Variants in ELF1 observed in about 807,000 individuals in gnomAD.
The protein encoded by ELF1 is ETS-related transcription factor Elf-1.
In ELF1, 24 loss-of-function variants were observed where a neutral mutation model predicts 59.9. That is an observed-to-expected ratio of 0.40 (90% CI 0.29 to 0.56). The LOEUF (loss-of-function observed/expected upper bound fraction) is 0.56. Among genes scored for constraint, ELF1 ranks in the 20% least tolerant of loss-of-function variants. The pLI, the probability that ELF1 is intolerant of heterozygous loss-of-function variation, is 0.44. For missense variants in ELF1, 627 were observed against 742.2 expected (o/e 0.84, Z 1.80); for synonymous variants, 248 against 266.2 (o/e 0.93, Z 0.67).
chr13:41,029,273 GA>G (rs1876071584), intron 1 of ELF1, among the ~76,000 whole-genome samples: 1 of 152,350 alleles, frequency 6.6e-6, no homozygotes, highest in African/African-American at 2.4e-5. Flanking sequence ...ACAAGGGGTG[GA>G]ACTGTGATGG....
chr13:40,962,201 TA>T (rs756992472), intron 2 of ELF1, among the ~76,000 whole-genome samples: 4 of 152,188 alleles, frequency 2.6e-5, no homozygotes, highest in Non-Finnish European at 5.9e-5. Flanking sequence ...GTACAGACAG[TA>T]AATGTACAGT....
At chr13:40,997,230 A>G (rs1303496171) in intron 1 of ELF1, among the ~76,000 whole-genome samples, 1 of 151,544 alleles carries the variant, frequency 6.6e-6, no homozygotes, top group Non-Finnish European at 1.5e-5. Context: ...TTCACAGTCT[A>G]CCTCTTTTCT....
intron 1 of ELF1, among the ~76,000 whole-genome samples, chr13:41,014,956 A>G (rs1038589801): frequency 1.7e-4 from 26 of 152,250 alleles, no homozygotes; most frequent in African/African-American, 6.3e-4. Context: ...AGACTCAAAC[A>G]AGTACATACT....
chr13:41,013,429 G>A (rs571273257), intron 1 of ELF1, among the ~76,000 whole-genome samples: 11 of 152,128 alleles, frequency 7.2e-5, no homozygotes, highest in Non-Finnish European at 1.0e-4. Flanking sequence ...AGTAACATAA[G>A]TCACAAAGCT....
chr13:41,006,247 A>G (rs1485410649), intron 1 of ELF1, among the ~76,000 whole-genome samples: 1 of 148,920 alleles, frequency 6.7e-6, no homozygotes, highest in Non-Finnish European at 1.5e-5. Flanking sequence ...GTGCCTTCCT[A>G]GCATATCTTT....
chr13:40,958,142 C>G (rs547120936), intron 3 of ELF1, among the ~76,000 whole-genome samples: 1 of 152,196 alleles, frequency 6.6e-6, no homozygotes, highest in Non-Finnish European at 1.5e-5. Flanking sequence ...AAAGAGAAAG[C>G]ATGTACCAAT....
chr13:40,947,636 G>A (rs1354015447), intron 5 of ELF1, among the ~76,000 whole-genome samples: 7 of 152,342 alleles, frequency 4.6e-5, no homozygotes, highest in East Asian at 3.9e-4. Context: ...CCCCAGGACT[G>A]TAATAACTAT....
At chr13:41,026,898 C>G (rs1875958161) in intron 1 of ELF1, among the ~76,000 whole-genome samples, 1 of 152,216 alleles carries the variant, frequency 6.6e-6, no homozygotes, top group African/African-American at 2.4e-5. Context: ...GATTGTACCT[C>G]TGGCCTCATG....
intron 1 of ELF1, among the ~76,000 whole-genome samples, chr13:40,985,603 C>T (rs767145329): frequency 1.3e-5 from 2 of 152,306 alleles, no homozygotes; most frequent in South Asian, 4.1e-4. Flanking sequence ...AGCTTCTGAG[C>T]TCCAAATCCA....
chr13:41,015,958 G>A (rs1875334703), intron 1 of ELF1, among the ~76,000 whole-genome samples: 1 of 152,114 alleles, frequency 6.6e-6, no homozygotes, highest in South Asian at 2.1e-4. Context: ...CTCAAACAGC[G>A]TATATTCTTA....
chr13:41,027,144 T>C (rs1044833863), intron 1 of ELF1, among the ~76,000 whole-genome samples: 2 of 152,224 alleles, frequency 1.3e-5, no homozygotes, highest in Non-Finnish European at 2.9e-5. Flanking sequence ...CGTCAATGCA[T>C]AGGCAATAGA....
chr13:41,047,696 G>T (rs1876916136), intron 1 of ELF1, among the ~76,000 whole-genome samples: 1 of 152,216 alleles, frequency 6.6e-6, no homozygotes, highest in Non-Finnish European at 1.5e-5. Flanking sequence ...CCTACTAGGG[G>T]TGCCTCCCAG....
intron 2 of ELF1, among the ~76,000 whole-genome samples, chr13:40,962,936 C>G (rs941901950): frequency 6.6e-6 from 1 of 152,120 alleles, no homozygotes; most frequent in African/African-American, 2.4e-5. Context: ...TAACATTTCA[C>G]GAGAAGAGAT....
intron 1 of ELF1, among the ~76,000 whole-genome samples, chr13:41,045,422 C>A (rs904577154): frequency 3.3e-5 from 5 of 152,194 alleles, no homozygotes; most frequent in African/African-American, 9.7e-5. Flanking sequence ...CTCTTGTGGG[C>A]ATTTAGTACC....
At chr13:41,024,651 ACAGG>A (rs1875822510) in intron 1 of ELF1, among the ~76,000 whole-genome samples, 1 of 152,136 alleles carries the variant, frequency 6.6e-6, no homozygotes, top group South Asian at 2.1e-4. Context: ...TGCTTGGATT[ACAGG>A]CATGAACAAC....
intron 1 of ELF1, among the ~76,000 whole-genome samples, chr13:41,003,751 G>A (rs1419024068): frequency 6.6e-6 from 1 of 152,114 alleles, no homozygotes; most frequent in Non-Finnish European, 1.5e-5. Flanking sequence ...AAAAGTAAGA[G>A]ATTTTTGATG....
chr13:40,959,032 G>T lies in ELF1; in HGVS notation c.73-16C>A. On this transcript the variant is annotated splice_polypyrimidine_tract_variant and intron_variant, in intron 2 of 8. Transcript: ENST00000239882. ...GATCACCAAGCTGGGAAGGGTTAGGGAGAGGAAAATGAAAACAAAGGATTA... is the reference window on the plus strand; with the variant it reads ...GATCACCAAGCTGGGAAGGGTTAGGTAGAGGAAAATGAAAACAAAGGATTA... 2 of 1,580,428 alleles carry T rather than the reference G, an allele frequency of 1.3e-6. No homozygotes were observed. The highest frequency in any genetic ancestry group is 1.9e-5 in the Admixed American group (1 of 51,904).
chr13:40,933,469 C>G lies in ELF1; in HGVS notation c.1816G>C (p.Val606Leu). The stretch of plus-strand genomic sequence containing the variant: ...AGCAGTTCGTTTTGTTTCATAGCTA[C>G]CTGAGAAGTAAATCCATTGGAACTG... ...VSSSNGFTSQ[V>L]AMKQNELLEP... Residue 606 changes from valine (V) to leucine (L), a missense_variant, in exon 9 of 9, where the codon GTA (valine) becomes CTA (leucine). Val to Leu is a conservative substitution (Grantham distance 32, BLOSUM62 1). Around this residue, in one of 3 missense-constraint regions of ELF1, gnomAD observed 361 missense variants for 396.1 expected, o/e 0.91. Coordinates refer to ENST00000239882, the MANE Select transcript of ELF1 (RefSeq NM_172373.4). 1.2e-6 allele frequency: 2 copies of G among 1,614,084 alleles called. No individual in the cohort carries two copies. Among genetic ancestry groups the G allele is most frequent in the Non-Finnish European group, 1.7e-6 (2 of 1,180,006 alleles).
rs182955531 is a variant in ELF1 at position 40,959,238 on chromosome 13, T to G, written c.73-222A>C. On this transcript the variant is annotated intron_variant, in intron 2 of 8. Coordinates refer to ENST00000239882, the MANE Select transcript of ELF1 (RefSeq NM_172373.4). ...AAGGCTGGGCGCGGTGACTCACACC[T>G]GTAATCCCAGCACTCTGGGAGGCCG... Among the ~76,000 whole-genome samples the G allele has an allele frequency of 1.8e-3, 281 of 152,308 alleles. 2 individuals are homozygous for G. The highest frequency in any genetic ancestry group is 6.5e-3 in the African/African-American group (270 of 41,562).
Sources: gnomAD v4.1 joint callset for allele counts (sites outside exome capture counted in the v4.1 genomes callset) on GRCh38, gnomAD v4.1.1 for gene constraint, gnomAD v4.1.1 regional missense constraint, MANE v1.5 for transcripts, NCBI Gene and HGNC (gene_info 2026-07-23, HGNC 2026-07-21) for gene names.